The following NEK11 variants were observed in gnomAD, a reference collection of about 807,000 sequenced individuals.
The protein encoded by NEK11 is NIMA related kinase 11.
In NEK11, 72 loss-of-function variants were observed where a neutral mutation model predicts 80.7. The observed-to-expected ratio is 0.89, with a 90% CI of 0.74 to 1.08. NEK11 has a LOEUF of 1.08. Ranked by LOEUF, NEK11 falls within the 50% of genes least tolerant of loss-of-function variation. NEK11 has a pLI of 0.00. For missense variants in NEK11, 764 were observed against 763.6 expected (o/e 1.00, Z -0.01); for synonymous variants, 251 against 260.7 (o/e 0.96, Z 0.36).
intron 4 of NEK11, among the ~76,000 whole-genome samples, chr3:131,093,632 T>C (rs1381140885): frequency 1.3e-5 from 2 of 151,992 alleles, no homozygotes; most frequent in African/African-American, 4.8e-5. Context: ...GGCCAGGTTG[T>C]TCTCGAACTC....
intron 14 of NEK11, among the ~76,000 whole-genome samples, chr3:131,209,293 T>C (rs1207160148): frequency 6.6e-6 from 1 of 152,194 alleles, no homozygotes; most frequent in African/African-American, 2.4e-5. Flanking sequence ...GATTTGCATA[T>C]GTTGAACCAG....
intron 13 of NEK11, among the ~76,000 whole-genome samples, chr3:131,169,868 ACT>A (rs2092562594): frequency 6.6e-6 from 1 of 152,014 alleles, no homozygotes; most frequent in Non-Finnish European, 1.5e-5. Flanking sequence ...TATTTCATGT[ACT>A]CTCTGTTCTT....
chr3:131,080,535 C>T lies in NEK11; in HGVS notation c.283C>T (p.His95Tyr). ...GGACCACCCAGCCATTGTCAAGTTC[C>T]ATGCAAGTTTTGTGGAGCAAGATAA... ...KLDHPAIVKF[H>Y]ASFVEQDNFC... Residue 95 changes from histidine to tyrosine, a missense_variant, in exon 4 of 18, where the codon CAT becomes TAT. Coordinates refer to ENST00000383366, the MANE Select transcript of NEK11 (RefSeq NM_024800.5). 6.2e-7 allele frequency: 1 copy of T among 1,614,044 alleles called. No individual in the cohort carries two copies. Among genetic ancestry groups the T allele is most frequent in the Non-Finnish European group, 8.5e-7 (1 of 1,179,972 alleles).
chr3:131,139,640 G>T (rs1422615800), intron 7 of NEK11, among the ~76,000 whole-genome samples: 3 of 152,190 alleles, frequency 2.0e-5, no homozygotes, highest in Middle Eastern at 3.4e-3. Context: ...GAGAAGGGAG[G>T]GTTAGTTCAG....
intron 17 of NEK11, among the ~76,000 whole-genome samples, chr3:131,288,143 C>A (rs1242093096): frequency 6.6e-6 from 1 of 152,164 alleles, no homozygotes; most frequent in Non-Finnish European, 1.5e-5. Flanking sequence ...TGCTCTCACT[C>A]CCAGTTGTTT....
intron 3 of NEK11, among the ~76,000 whole-genome samples, chr3:131,033,555 C>CATT (rs1200768379): frequency 6.6e-6 from 1 of 152,094 alleles, no homozygotes; most frequent in African/African-American, 2.4e-5. Context: ...AATACAGATT[C>CATT]ATTATATACA....
At chr3:131,266,464 C>T (rs1474424216) in intron 16 of NEK11, among the ~76,000 whole-genome samples, 1 of 152,176 alleles carries the variant, frequency 6.6e-6, no homozygotes, top group African/African-American at 2.4e-5. Context: ...TCGTTATTTA[C>T]CCAGTAGTCA....
chr3:131,152,630 G>A lies in NEK11; in HGVS notation c.798-1G>A, dbSNP rs757472593. The A allele has an allele frequency of 1.1e-5, 17 of 1,612,400 alleles. No homozygotes were observed. In the South Asian group the frequency reaches 1.9e-4, roughly 18 times the overall value. ...AATAATTTTCTGTTTAAACATTACA[G>A]CATGTTGAACAAGAATCCTTCATTA... On this transcript the variant is annotated splice_acceptor_variant, in intron 8 of 17. Transcript: ENST00000383366. LOFTEE classifies it high-confidence loss of function.
intron 14 of NEK11, among the ~76,000 whole-genome samples, chr3:131,203,516 A>T (rs139280482): frequency 6.6e-6 from 1 of 150,972 alleles, no homozygotes; most frequent in African/African-American, 2.4e-5. Context: ...CCAACATGGC[A>T]TATGTATACA....
intron 17 of NEK11, among the ~76,000 whole-genome samples, chr3:131,306,908 C>A (rs1378781528): frequency 1.3e-5 from 2 of 152,248 alleles, no homozygotes; most frequent in African/African-American, 4.8e-5. Flanking sequence ...CCTACCCCAG[C>A]ACTGGTCCCC....
intron 17 of NEK11, among the ~76,000 whole-genome samples, chr3:131,346,710 T>TG (rs1453469089): frequency 3.3e-5 from 5 of 152,054 alleles, no homozygotes; most frequent in African/African-American, 1.2e-4. Context: ...ATTATTATCA[T>TG]GGGGGTAGAG....
chr3:131,189,974 A>G (rs1368326175), intron 14 of NEK11, among the ~76,000 whole-genome samples: 1 of 152,186 alleles, frequency 6.6e-6, no homozygotes, highest in East Asian at 1.9e-4. Context: ...TGTTTTTTCT[A>G]ATTGCTCACT....
chr3:131,034,138 C>T (rs772470865), intron 3 of NEK11, among the ~76,000 whole-genome samples: 6 of 151,952 alleles, frequency 3.9e-5, no homozygotes, highest in Non-Finnish European at 7.4e-5. Flanking sequence ...TTACTTTGGC[C>T]CTTAACATTA....
intron 17 of NEK11, among the ~76,000 whole-genome samples, chr3:131,334,739 A>G (rs2097153172): frequency 6.6e-6 from 1 of 152,226 alleles, no homozygotes; most frequent in Non-Finnish European, 1.5e-5. Context: ...AATAAAGAAA[A>G]AAAGGGAGAA....
intron 5 of NEK11, among the ~76,000 whole-genome samples, chr3:131,132,440 G>C (rs934892113): frequency 3.9e-5 from 6 of 151,908 alleles, no homozygotes; most frequent in African/African-American, 1.4e-4. Flanking sequence ...ATGGTTACTG[G>C]ATATAGTACT....
intron 5 of NEK11, among the ~76,000 whole-genome samples, chr3:131,119,793 C>T (rs2082044074): frequency 1.3e-5 from 2 of 151,938 alleles, no homozygotes; most frequent in Admixed American, 6.6e-5. Flanking sequence ...GGATTGCAAC[C>T]CCTGCTTTTA....
chr3:131,126,235 A>G (rs2083305871), intron 5 of NEK11, among the ~76,000 whole-genome samples: 1 of 152,202 alleles, frequency 6.6e-6, no homozygotes, highest in Non-Finnish European at 1.5e-5. Context: ...TTTACAAGCC[A>G]AAACTAGTTT....
intron 16 of NEK11, among the ~76,000 whole-genome samples, chr3:131,265,744 G>A (rs932372256): frequency 6.6e-6 from 1 of 152,160 alleles, no homozygotes; most frequent in Non-Finnish European, 1.5e-5. Flanking sequence ...AAGTCAGGGA[G>A]GAATCCCTCT....
intron 17 of NEK11, among the ~76,000 whole-genome samples, chr3:131,346,357 G>A (rs1384044525): frequency 6.6e-6 from 1 of 151,928 alleles, no homozygotes; most frequent in African/African-American, 2.4e-5. Flanking sequence ...AAAGAATAAA[G>A]GAAAACATTT....
Sources: gnomAD v4.1 joint callset for allele counts (sites outside exome capture counted in the v4.1 genomes callset) on GRCh38, gnomAD v4.1.1 for gene constraint, MANE v1.5 for transcripts, NCBI Gene and HGNC (gene_info 2026-07-23, HGNC 2026-07-21) for gene names.